BRSK2: variants seen among roughly 807,000 people sequenced by gnomAD.
The protein encoded by BRSK2 is serine/threonine-protein kinase BRSK2.
In BRSK2, 19 loss-of-function variants were observed where a neutral mutation model predicts 83.3. That is an observed-to-expected ratio of 0.23 (90% CI 0.16 to 0.33). The LOEUF is 0.33. Among genes scored for constraint, BRSK2 ranks in the 10% least tolerant of loss-of-function variants. The pLI is 1.00. For synonymous variants in BRSK2, 519 were observed against 435.4 expected, an observed-to-expected ratio of 1.19 and a Z score of -2.39; for missense variants, 798 against 1,042.3, an observed-to-expected ratio of 0.77 and a Z score of 3.23.
At chr11:1,458,111 T>C (rs1457090742) in intron 18 of BRSK2, among the ~76,000 whole-genome samples, 2 of 152,058 alleles carry the variant, frequency 1.3e-5, no homozygotes, top group Non-Finnish European at 2.9e-5. Flanking sequence ...AGGCCAGGGA[T>C]GGACAGGGCT....
At chr11:1,408,812 G>T (rs7120259) in intron 1 of BRSK2, among the ~76,000 whole-genome samples, 32,361 of 143,152 alleles carry the variant, frequency 0.23, 3,642 homozygotes, top group Non-Finnish European at 0.26. Context: ...TGCCTGTGCT[G>T]GTGTGTGTGT....
At chr11:1,435,225 G>GGGTCTCAGCGGAGGAGGGGTGCCGGTGGA (rs1850127802) in intron 1 of BRSK2, among the ~76,000 whole-genome samples, 7 of 135,146 alleles carry the variant, frequency 5.2e-5, no homozygotes, top group East Asian at 2.3e-4. Context: ...GTGCCGGTGG[G>GGGTCTCAGCGGAGGAGGGGTGCCGGTGGA]GGTCTCAGCG....
chr11:1,408,091 A>C (rs1361262982), intron 1 of BRSK2, among the ~76,000 whole-genome samples: 4 of 152,222 alleles, frequency 2.6e-5, no homozygotes, highest in Non-Finnish European at 5.9e-5. Context: ...TACTCTCTGC[A>C]GCCCATCCTC....
chr11:1,416,639 G>A (rs1848124889), intron 1 of BRSK2, among the ~76,000 whole-genome samples: 1 of 152,196 alleles, frequency 6.6e-6, no homozygotes, highest in African/African-American at 2.4e-5. Flanking sequence ...CTACACCATG[G>A]TCCTCTGCTG....
chr11:1,460,673 A>T lies in BRSK2; in HGVS notation c.2161A>T (p.Lys721Ter). 1 of 1,523,210 alleles carries T rather than the reference A, an allele frequency of 6.6e-7. No individual in the cohort carries two copies. 94.4% of individuals were successfully genotyped at this position (1,523,210 alleles called of 1,614,324 possible). ...PGGDAEYPTG[K>*]DTAKMGPPTA... ...AGGGGACGCCGAGTACCCAACGGGC[A>T]AGGACACGGCCAAGATGGGCCCGCC... The change falls in exon 20 of 20, where the codon AAG becomes TAG. Residue 721 changes from lysine (K) to a stop codon, truncating the protein, a stop_gained. Coordinates refer to ENST00000528841, the MANE Select transcript of BRSK2 (RefSeq NM_001256627.2). LOFTEE classifies it high-confidence loss of function.
intron 1 of BRSK2, among the ~76,000 whole-genome samples, chr11:1,421,520 T>G (rs1848627720): frequency 6.6e-6 from 1 of 152,156 alleles, no homozygotes; most frequent in Admixed American, 6.5e-5. Flanking sequence ...TGCTTCAGGG[T>G]GGCACGAATT....
chr11:1,395,608 C>G (rs180926187), intron 1 of BRSK2, among the ~76,000 whole-genome samples: 1 of 152,328 alleles, frequency 6.6e-6, no homozygotes, highest in East Asian at 1.9e-4. Context: ...TCCCCACCCA[C>G]TGTGGCCCTG....
At chr11:1,446,814 G>C (rs984326305) in intron 12 of BRSK2, among the ~76,000 whole-genome samples, 1 of 152,222 alleles carries the variant, frequency 6.6e-6, no homozygotes, top group Non-Finnish European at 1.5e-5. Flanking sequence ...CACACCAGGA[G>C]GTCCAGGAGC....
Position 1,440,827 on chromosome 11 carries a change from C to T in BRSK2, c.312C>T (p.Phe104=), listed in dbSNP as rs201092064. 36 of 1,594,754 alleles carry T rather than the reference C, an allele frequency of 2.3e-5. No individual in the cohort carries two copies. The highest frequency in any genetic ancestry group is 1.7e-4 in the Middle Eastern group (1 of 6,006). The change falls in exon 4 of 20, where the codon TTC becomes TTT. Residue 104 remains phenylalanine (F), a synonymous_variant. Transcript: ENST00000528841. ...VLEHVSGGEL[F]DYLVKKGRLT... ...AACACGTGTCAGGTGGTGAGCTCTT[C>T]GACTACCTGGTGAAGAAGGGGAGGC...
Position 1,450,812 on chromosome 11 carries a change from G to A in BRSK2, c.1495+18G>A, listed in dbSNP as rs778868288. 2.5e-5 allele frequency: 40 copies of A among 1,581,756 alleles called. No homozygotes were observed. In the Middle Eastern group the frequency reaches 5.6e-4, roughly 22 times the overall value. On this transcript the variant is annotated intron_variant, in intron 14 of 19. Transcript: ENST00000528841. ...ACTGCAAGGTGAGTGTCTGCCCGGA[G>A]GCGCCAGAGTGGGGCTGGGAGAGAG... is the stretch of plus-strand genomic sequence containing the variant.
rs1252461352 is a variant in BRSK2 at position 1,442,325 on chromosome 11, G to A, written c.414-165G>A. 1.4e-5 allele frequency: 8 copies of A among 575,926 alleles called. No homozygotes were observed. The East Asian group carries it at 1.6e-4, about 11-fold the overall frequency. The allele number at this position is 575,926 out of a possible 1,614,324, so 35.7% of individuals were successfully genotyped here. ...CCAGAGCCAAACGGACCAGGCAGGC[G>A]ACTTCTGATTGGCTGCCTATGACAT... On this transcript the variant is annotated intron_variant, in intron 4 of 19. Transcript: ENST00000528841.
intron 4 of BRSK2, 61 bp downstream of exon 4, chr11:1,440,989 A>C: frequency 2.1e-6 from 3 of 1,395,704 alleles, no homozygotes; most frequent in Non-Finnish European, 2.9e-6. Context: ...GTGCGCTACC[A>C]CAGATGCCCC....
intron 8 of BRSK2, 30 bp downstream of exon 8, chr11:1,443,665 G>A (rs753128891): frequency 2.1e-6 from 3 of 1,451,902 alleles, no homozygotes; most frequent in Non-Finnish European, 2.7e-6. Context: ...GGCGGCCCCA[G>A]AGCGTGGCGG....
At position 1,435,580 on chromosome 11, in the gene BRSK2, G is replaced by A. The variant is rs78454268; in HGVS notation, c.92-460G>A. Among the ~76,000 whole-genome samples, 214 of 122,488 alleles carry A rather than the reference G, an allele frequency of 1.7e-3. 7 individuals are homozygous for A. The highest frequency in any genetic ancestry group is 0.012 in the Admixed American group (147 of 12,216). 80.4% of individuals were successfully genotyped at this position (122,488 alleles called of 152,430 possible). The stretch of plus-strand genomic sequence containing the variant: ...GAGGAGGGGTGCCGGTGGGGGTCTC[G>A]GCGGAGGAGGGGTGTCGGTGGGGGT... On this transcript the variant is annotated intron_variant, in intron 1 of 19. Transcript: ENST00000528841.
At chr11:1,419,674 G>C (rs992486200) in intron 1 of BRSK2, among the ~76,000 whole-genome samples, 1 of 152,200 alleles carries the variant, frequency 6.6e-6, no homozygotes. Flanking sequence ...ACTTTGGGGG[G>C]CCATGGCGGG....
In BRSK2 at chr11:1,460,460, CCTTTTTTT is replaced by C. The variant is rs1418743263; in HGVS notation, c.1988-39_1988-32del. ...TCTCTCCCCCTTTTTTTTCTTTTTT[CCTTTTTTT>C]TTTTTTTTTTGTCTCTGTTCTGTGT... On this transcript the variant is annotated intron_variant, in intron 19 of 19. Coordinates refer to ENST00000528841, the MANE Select transcript of BRSK2 (RefSeq NM_001256627.2). The C allele has an allele frequency of 4.5e-5, 51 of 1,122,712 alleles. No homozygotes were observed. In the African/African-American group the frequency reaches 7.9e-4, roughly 17 times the overall value. 69.5% of individuals were successfully genotyped at this position (1,122,712 alleles called of 1,614,324 possible). A position where few individuals can be genotyped will look rare whatever the true frequency, so the allele number is the denominator to read the frequency against.
Position 1,461,339 on chromosome 11 carries a change from CCGCCTCCCTGGCTG to C in BRSK2, c.*621_*634del, listed in dbSNP as rs1847477853. ...GGAGGCCTCCTCGCAGGCCCGTGCC[CCGCCTCCCTGGCTG>C]CGCCGCCTCCGTGTAGTCTTGGCCT... On this transcript the variant is annotated 3_prime_UTR_variant, in exon 20 of 20. Coordinates refer to ENST00000528841, the MANE Select transcript of BRSK2 (RefSeq NM_001256627.2). 1.1e-5 allele frequency: 4 copies of C among 363,986 alleles called. No homozygotes were observed. The South Asian group carries it at 1.2e-4, about 11-fold the overall frequency. The allele number at this position is 363,986 out of a possible 1,614,324, so 22.5% of individuals were successfully genotyped here.
rs1554922275 is a variant in BRSK2 at position 1,460,741 on chromosome 11, C to CCA, written c.*19_*20insAC. ...AGCCTTAGACACACTAGCCCCCCCCCCCAGCACAGCACTGACAGCGGCTGC... is the reference window on the plus strand; with the variant it reads ...AGCCTTAGACACACTAGCCCCCCCCCCACCAGCACAGCACTGACAGCGGCTGC... On this transcript the variant is annotated 3_prime_UTR_variant, in exon 20 of 20. Coordinates refer to ENST00000528841, the MANE Select transcript of BRSK2 (RefSeq NM_001256627.2). The CCA allele has an allele frequency of 5.7e-6, 8 of 1,413,866 alleles. 1 individual carries two copies. Among genetic ancestry groups the CCA allele is most frequent in the South Asian group, 1.4e-5 (1 of 69,842 alleles). 87.6% of individuals were successfully genotyped at this position (1,413,866 alleles called of 1,614,324 possible).
At chr11:1,428,176 G>A (rs114097610) in intron 1 of BRSK2, among the ~76,000 whole-genome samples, 1,538 of 152,240 alleles carry the variant, frequency 0.01, 27 homozygotes, top group African/African-American at 0.035. Context: ...CTGCTGCGTC[G>A]TGGCTGCCTT....
Sources: allele counts gnomAD v4.1 joint callset (sites outside exome capture counted in the v4.1 genomes callset), GRCh38; gene constraint gnomAD v4.1.1; transcripts MANE v1.5; gene names NCBI Gene and HGNC (gene_info 2026-07-23, HGNC 2026-07-21).